The following MAP4K5 variants were observed in gnomAD, a reference collection of about 807,000 sequenced individuals.
MAP4K5 encodes mitogen-activated protein kinase kinase kinase kinase 5.
A neutral mutation model predicts 135.6 loss-of-function variants in MAP4K5; 82 were observed. The observed-to-expected ratio is 0.60, with a 90% CI of 0.51 to 0.73. MAP4K5 has a LOEUF of 0.73. Among genes scored for constraint, MAP4K5 ranks in the 30% least tolerant of loss-of-function variants. The pLI is 0.00. For missense variants in MAP4K5, 907 were observed against 1,010.9 expected (o/e 0.90, Z 1.39); for synonymous variants, 347 against 335.0 (o/e 1.04, Z -0.39).
intron 2 of MAP4K5, among the ~76,000 whole-genome samples, chr14:50,529,425 T>G (rs867561391): frequency 2.6e-4 from 40 of 151,940 alleles, no homozygotes; most frequent in African/African-American, 9.4e-4. Context: ...CAGGAATACA[T>G]AGAGTATTAA....
intron 32 of MAP4K5, 29 bp from the exon 33 acceptor site, chr14:50,420,135 A>C (rs1316672809): frequency 7.9e-7 from 1 of 1,268,048 alleles, no homozygotes; most frequent in Non-Finnish European, 1.1e-6. Flanking sequence ...AAAGGGCTTA[A>C]GAGTAACTAC....
chr14:50,493,713 T>C (rs1358187956), intron 3 of MAP4K5, among the ~76,000 whole-genome samples: 1 of 151,946 alleles, frequency 6.6e-6, no homozygotes, highest in Non-Finnish European at 1.5e-5. Flanking sequence ...GCATCAAAAA[T>C]AACAATTAGG....
chr14:50,463,834 T>G (rs2036766109), intron 12 of MAP4K5, among the ~76,000 whole-genome samples: 1 of 122,008 alleles, frequency 8.2e-6, no homozygotes, highest in Non-Finnish European at 1.6e-5. Flanking sequence ...GAGGCTGCAG[T>G]GAGCTGAGAT....
chr14:50,555,952 T>A (rs1018603886), intron 1 of MAP4K5, among the ~76,000 whole-genome samples: 1 of 152,052 alleles, frequency 6.6e-6, no homozygotes, highest in South Asian at 2.1e-4. Context: ...CCTTTACTTA[T>A]GATGGAGGAA....
chr14:50,476,452 T>C, intron 6 of MAP4K5, 146 bp from the exon 7 acceptor site: 1 of 464,728 alleles, frequency 2.2e-6, no homozygotes. Context: ...AATCAATGTT[T>C]ACTATATTTT....
At chr14:50,495,928 T>C (rs2037581903) in intron 3 of MAP4K5, among the ~76,000 whole-genome samples, 1 of 152,228 alleles carries the variant, frequency 6.6e-6, no homozygotes, top group African/African-American at 2.4e-5. Context: ...GAGTTGTTGT[T>C]GTTTAATGAA....
chr14:50,434,373 C>A (rs1469955350), intron 28 of MAP4K5, 21 bp downstream of exon 28: 1 of 1,566,280 alleles, frequency 6.4e-7, no homozygotes, highest in Non-Finnish European at 8.7e-7. Flanking sequence ...AATATTCTAA[C>A]ATAAGGTAAA....
At position 50,520,397 on chromosome 14, in the gene MAP4K5, A is replaced by G. The variant is rs188226849; in HGVS notation, c.108+11545T>C. Among the ~76,000 whole-genome samples the G allele has an allele frequency of 4.6e-5, 7 of 152,268 alleles. No individual in the cohort carries two copies. In the East Asian group the frequency reaches 1.4e-3, roughly 29 times the overall value. ...GCGCCTGTAGTCCCATCTACTCAGG[A>G]GGCTGTGGCAGAAGAATTGCTTGAA... is the stretch of plus-strand genomic sequence containing the variant. On this transcript the variant is annotated intron_variant, in intron 2 of 32. Transcript: ENST00000682126.
chr14:50,549,671 C>A (rs751584349), intron 1 of MAP4K5, among the ~76,000 whole-genome samples: 5 of 152,202 alleles, frequency 3.3e-5, no homozygotes, highest in Non-Finnish European at 7.3e-5. Context: ...AGCTCCCATT[C>A]ATGGGCCACG....
chr14:50,501,916 C>G (rs1303353973), intron 3 of MAP4K5, among the ~76,000 whole-genome samples: 1 of 152,128 alleles, frequency 6.6e-6, no homozygotes, highest in Admixed American at 6.6e-5. Flanking sequence ...TTCTACATTC[C>G]TATCCTCTAG....
intron 30 of MAP4K5, among the ~76,000 whole-genome samples, chr14:50,426,609 A>G (rs1434756009): frequency 6.6e-6 from 1 of 152,186 alleles, no homozygotes; most frequent in African/African-American, 2.4e-5. Context: ...CTGTAGCCCC[A>G]GCTACTCAGG....
chr14:50,522,665 T>C (rs1307705898), intron 2 of MAP4K5, among the ~76,000 whole-genome samples: 2 of 152,180 alleles, frequency 1.3e-5, no homozygotes, highest in Non-Finnish European at 2.9e-5. Context: ...TTAAGCTATT[T>C]TTCCAAGTTA....
intron 31 of MAP4K5, among the ~76,000 whole-genome samples, chr14:50,424,527 C>T (rs1329651345): frequency 1.3e-5 from 2 of 151,702 alleles, no homozygotes; most frequent in African/African-American, 4.8e-5. Flanking sequence ...CTGGCCAACA[C>T]GGTGAAATCC....
intron 3 of MAP4K5, among the ~76,000 whole-genome samples, chr14:50,496,250 C>T (rs149150623): frequency 0.017 from 2,557 of 151,886 alleles, 68 homozygotes; most frequent in African/African-American, 0.059. Context: ...GGCTTGATCC[C>T]GGGAGGTGGA....
chr14:50,464,625 C>A (rs1013180987), intron 11 of MAP4K5, among the ~76,000 whole-genome samples: 1 of 152,102 alleles, frequency 6.6e-6, no homozygotes, highest in Non-Finnish European at 1.5e-5. Context: ...GCCACCTTCA[C>A]TGATGAAGTG....
At chr14:50,436,614 T>C (rs952695654) in intron 26 of MAP4K5, among the ~76,000 whole-genome samples, 1 of 151,814 alleles carries the variant, frequency 6.6e-6, no homozygotes, top group African/African-American at 2.4e-5. Context: ...CAGATGACCT[T>C]TAGTGGGGCT....
chr14:50,516,804 A>T (rs2038043003), intron 2 of MAP4K5, among the ~76,000 whole-genome samples: 1 of 152,218 alleles, frequency 6.6e-6, no homozygotes, highest in Non-Finnish European at 1.5e-5. Context: ...GGTTTGTAAG[A>T]TAACACTGAC....
intron 2 of MAP4K5, among the ~76,000 whole-genome samples, chr14:50,523,702 T>C (rs1036091935): frequency 6.6e-6 from 1 of 152,176 alleles, no homozygotes; most frequent in African/African-American, 2.4e-5. Context: ...AATGTGTTTA[T>C]TATGTTTGTT....
chr14:50,474,977 C>T, intron 9 of MAP4K5, 100 bp downstream of exon 9: 1 of 1,027,188 alleles, frequency 9.7e-7, no homozygotes, highest in Non-Finnish European at 1.5e-6. Flanking sequence ...ACGCAAATCT[C>T]CCTACTTTTA....
Sources: allele counts gnomAD v4.1 joint callset (sites outside exome capture counted in the v4.1 genomes callset), GRCh38; gene constraint gnomAD v4.1.1; transcripts MANE v1.5; gene names NCBI Gene and HGNC (gene_info 2026-07-23, HGNC 2026-07-21).